The following CNTN3 variants were observed in gnomAD, a reference collection of about 807,000 sequenced individuals.
CNTN3 encodes the protein contactin 3, also known as contactin-3.
In CNTN3, 60 loss-of-function variants were observed where a neutral mutation model predicts 119.1. The observed-to-expected ratio is 0.50, with a 90% CI of 0.41 to 0.62. The LOEUF (loss-of-function observed/expected upper bound fraction) is 0.62. Among genes scored for constraint, CNTN3 ranks in the 20% least tolerant of loss-of-function variants. The pLI is 0.00. For synonymous variants in CNTN3, 450 were observed against 438.7 expected (o/e 1.03, Z -0.32); for missense variants, 1,101 against 1,242.4 (o/e 0.89, Z 1.71).
intron 11 of CNTN3, among the ~76,000 whole-genome samples, chr3:74,344,918 G>A (rs769581609): frequency 4.6e-5 from 7 of 151,990 alleles, no homozygotes; most frequent in Non-Finnish European, 8.8e-5. Flanking sequence ...TCATACAACT[G>A]AGGAGGGGAT....
At chr3:74,443,484 G>C (rs6806834) in intron 4 of CNTN3, among the ~76,000 whole-genome samples, 102,661 of 151,998 alleles carry the variant, frequency 0.68, 34,851 homozygotes, top group East Asian at 0.72. Flanking sequence ...TTCAGTGGCT[G>C]CCCACCAGCC....
chr3:74,505,519 A>ACACACAC (rs1553674654), intron 2 of CNTN3, among the ~76,000 whole-genome samples: 21 of 151,612 alleles, frequency 1.4e-4, no homozygotes, highest in Admixed American at 3.3e-4. Flanking sequence ...ACACACACAC[A>ACACACAC]CACACCACAC....
At chr3:74,337,402 G>A (rs1033890684) in intron 11 of CNTN3, among the ~76,000 whole-genome samples, 2 of 152,078 alleles carry the variant, frequency 1.3e-5, no homozygotes, top group African/African-American at 4.8e-5. Flanking sequence ...GAGTAGCATA[G>A]ACAACGTAGT....
chr3:74,427,808 C>A (rs779382918), intron 4 of CNTN3, among the ~76,000 whole-genome samples: 1 of 151,536 alleles, frequency 6.6e-6, no homozygotes, highest in Non-Finnish European at 1.5e-5. Context: ...AATAAAATAC[C>A]CAGGTAAATT....
At chr3:74,308,869 C>T (rs917120899) in intron 13 of CNTN3, among the ~76,000 whole-genome samples, 1 of 151,918 alleles carries the variant, frequency 6.6e-6, no homozygotes, top group African/African-American at 2.4e-5. Flanking sequence ...ATATTTTTAT[C>T]CTAAATGGAA....
chr3:74,524,407 A>G (rs1038992463), intron 1 of CNTN3, among the ~76,000 whole-genome samples: 1 of 151,858 alleles, frequency 6.6e-6, no homozygotes, highest in African/African-American at 2.4e-5. Flanking sequence ...GGTATTTATA[A>G]ATTGCCCACA....
At chr3:74,449,848 C>T (rs1408358572) in intron 4 of CNTN3, among the ~76,000 whole-genome samples, 2 of 152,202 alleles carry the variant, frequency 1.3e-5, no homozygotes, top group East Asian at 3.9e-4. Context: ...TTTGCATTCA[C>T]AGGAATATTG....
At chr3:74,316,326 T>TA (rs1368665833) in intron 13 of CNTN3, among the ~76,000 whole-genome samples, 2 of 151,948 alleles carry the variant, frequency 1.3e-5, no homozygotes, top group Non-Finnish European at 2.9e-5. Flanking sequence ...TGTTAAAAAG[T>TA]AAAAAAATAA....
chr3:74,578,123 G>A (rs917859142), intron 1 of CNTN3, among the ~76,000 whole-genome samples: 1 of 151,958 alleles, frequency 6.6e-6, no homozygotes, highest in African/African-American at 2.4e-5. Flanking sequence ...AAGCATGAAT[G>A]ACTACATATT....
chr3:74,531,499 G>A (rs558317221), intron 1 of CNTN3, among the ~76,000 whole-genome samples: 4 of 152,014 alleles, frequency 2.6e-5, no homozygotes, highest in African/African-American at 4.8e-5. Flanking sequence ...GAAAAAGGTC[G>A]GCTTACCTAG....
chr3:74,504,762 A>G (rs1212677321), intron 2 of CNTN3, among the ~76,000 whole-genome samples: 2 of 122,148 alleles, frequency 1.6e-5, no homozygotes, highest in Non-Finnish European at 3.8e-5. Flanking sequence ...AGCTCCAGAG[A>G]TACTTTCCAC....
intron 4 of CNTN3, among the ~76,000 whole-genome samples, chr3:74,433,995 A>G (rs1701827738): frequency 6.6e-6 from 1 of 152,216 alleles, no homozygotes; most frequent in Admixed American, 6.5e-5. Context: ...AATGTCTGAA[A>G]TAAGCATCCA....
intron 13 of CNTN3, among the ~76,000 whole-genome samples, chr3:74,310,465 C>A (rs1373588644): frequency 1.3e-5 from 2 of 152,054 alleles, no homozygotes; most frequent in African/African-American, 2.4e-5. Flanking sequence ...TGGAAACTGG[C>A]AAGCTTGTTT....
chr3:74,450,499 C>T (rs1702129134), intron 4 of CNTN3, among the ~76,000 whole-genome samples: 3 of 77,832 alleles, frequency 3.9e-5, no homozygotes, highest in African/African-American at 1.8e-4. Flanking sequence ...TATCTGAAGC[C>T]CTGTTTTTTT....
chr3:74,592,217 TGTG>T (rs1704715226), intron 1 of CNTN3, among the ~76,000 whole-genome samples: 1 of 151,798 alleles, frequency 6.6e-6, no homozygotes, highest in Non-Finnish European at 1.5e-5. Context: ...TTGCCACTTC[TGTG>T]GTGGCCAGAT....
chr3:74,439,409 AG>A (rs67858839), intron 4 of CNTN3, among the ~76,000 whole-genome samples: 59,261 of 151,690 alleles, frequency 0.39, 11,979 homozygotes, highest in East Asian at 0.56. Flanking sequence ...CAGGAGGCTG[AG>A]GCAGGAGAGT....
chr3:74,589,004 T>C (rs1259352427), intron 1 of CNTN3, among the ~76,000 whole-genome samples: 2 of 151,870 alleles, frequency 1.3e-5, no homozygotes, highest in Admixed American at 6.6e-5. Flanking sequence ...ATAAAAACCC[T>C]AGAAGAAAAC....
Position 74,371,394 on chromosome 3 carries a change from A to C in CNTN3, c.460T>G (p.Ser154Ala), listed in dbSNP as rs778581117. The change falls in exon 6 of 23, where the codon TCA becomes GCA. Residue 154 changes from serine to alanine, a missense_variant. Coordinates refer to ENST00000263665, the MANE Select transcript of CNTN3 (RefSeq NM_020872.3). Reference sequence around the variant, plus strand: ...TATTCATTGAAGATCCAAGCATATGACAGTTCTAATAAAATTGTTGAAGAG... The same window carrying C: ...TATTCATTGAAGATCCAAGCATATGCCAGTTCTAATAAAATTGTTGAAGAG... ...CGPPPHSGEL[S>A]YAWIFNEYPS... is the part of the protein sequence containing the mutation. The C allele has an allele frequency of 6.2e-7, 1 of 1,611,330 alleles. No homozygotes were observed. The highest frequency in any genetic ancestry group is 1.1e-5 in the South Asian group (1 of 91,034).
chr3:74,471,488 C>G (rs1702565874), intron 4 of CNTN3, among the ~76,000 whole-genome samples: 1 of 152,078 alleles, frequency 6.6e-6, no homozygotes, highest in Non-Finnish European at 1.5e-5. Flanking sequence ...GTTTTCTATT[C>G]TCCTTGTTTG....
Sources: allele counts gnomAD v4.1 joint callset (sites outside exome capture counted in the v4.1 genomes callset), GRCh38; gene constraint gnomAD v4.1.1; transcripts MANE v1.5; gene names NCBI Gene and HGNC (gene_info 2026-07-23, HGNC 2026-07-21).